The following DLG1 variants were observed in gnomAD, a reference collection of about 807,000 sequenced individuals.
DLG1 encodes disks large homolog 1.
DLG1 carries 42 observed loss-of-function variants against 123.4 expected under a neutral mutation model. That is an observed-to-expected ratio of 0.34 (90% CI 0.27 to 0.44). The LOEUF (loss-of-function observed/expected upper bound fraction) is 0.44, where lower values mean the gene tolerates loss of function less well. Ranked by LOEUF, DLG1 falls within the 20% of genes least tolerant of loss-of-function variation. DLG1 has a pLI of 1.00. For synonymous variants in DLG1, 317 were observed against 356.2 expected (o/e 0.89, Z 1.24); for missense variants, 942 against 1,082.6 (o/e 0.87, Z 1.82).
intron 5 of DLG1, among the ~76,000 whole-genome samples, chr3:197,175,966 C>A (rs1367864746): frequency 6.6e-6 from 1 of 152,114 alleles, no homozygotes; most frequent in African/African-American, 2.4e-5. Flanking sequence ...TTTAAAACTT[C>A]TCTGAATATA....
chr3:197,092,535 C>T (rs1310519308), intron 14 of DLG1, among the ~76,000 whole-genome samples: 2 of 152,152 alleles, frequency 1.3e-5, no homozygotes, highest in East Asian at 1.9e-4. Flanking sequence ...GGGTCCTGCC[C>T]TGTTGCCCAG....
chr3:197,148,671 A>G (rs1014258606), intron 6 of DLG1, among the ~76,000 whole-genome samples: 2 of 152,188 alleles, frequency 1.3e-5, no homozygotes, highest in African/African-American at 4.8e-5. Flanking sequence ...ACAAAAATCA[A>G]CTCAAAATGA....
chr3:197,154,903 A>G (rs1342199506), intron 5 of DLG1, among the ~76,000 whole-genome samples: 1 of 152,164 alleles, frequency 6.6e-6, no homozygotes, highest in East Asian at 1.9e-4. Flanking sequence ...GAAATAAAAG[A>G]GATTCAAGAA....
chr3:197,170,776 C>T (rs575628092), intron 5 of DLG1, among the ~76,000 whole-genome samples: 2 of 152,270 alleles, frequency 1.3e-5, no homozygotes, highest in African/African-American at 4.8e-5. Flanking sequence ...GTTGCAATTG[C>T]ATGGTGTCTT....
At chr3:197,163,452 G>T (rs956639418) in intron 5 of DLG1, among the ~76,000 whole-genome samples, 9 of 151,956 alleles carry the variant, frequency 5.9e-5, no homozygotes, top group Non-Finnish European at 1.2e-4. Flanking sequence ...GTCAAAAGGC[G>T]GAAAGAAACC....
intron 4 of DLG1, among the ~76,000 whole-genome samples, chr3:197,232,827 G>A (rs757236722): frequency 5.3e-5 from 8 of 150,700 alleles, no homozygotes; most frequent in Non-Finnish European, 8.8e-5. Flanking sequence ...GAAAAAGCAC[G>A]TGACAAAATC....
intron 14 of DLG1, among the ~76,000 whole-genome samples, chr3:197,103,466 G>C (rs1001206913): frequency 6.6e-6 from 1 of 152,052 alleles, no homozygotes; most frequent in African/African-American, 2.4e-5. Context: ...GGTGGAATAT[G>C]TTGGCCAGAA....
intron 4 of DLG1, among the ~76,000 whole-genome samples, chr3:197,242,556 TAAA>T (rs58174342): frequency 2.9e-5 from 4 of 139,428 alleles, no homozygotes; most frequent in African/African-American, 1.1e-4. Context: ...TCTGAACAAA[TAAA>T]AAAAAAAATA....
intron 5 of DLG1, among the ~76,000 whole-genome samples, chr3:197,186,110 C>G (rs1340713580): frequency 1.3e-5 from 2 of 152,128 alleles, no homozygotes; most frequent in African/African-American, 4.8e-5. Context: ...TGAAAATGTC[C>G]TGTTACATGA....
intron 5 of DLG1, among the ~76,000 whole-genome samples, chr3:197,174,627 C>G (rs1211463641): frequency 6.6e-6 from 1 of 151,946 alleles, no homozygotes; most frequent in African/African-American, 2.4e-5. Context: ...TGTTTGTTTT[C>G]TTTCTATCTT....
chr3:197,071,082 C>T (rs1743612654), intron 18 of DLG1: 1 of 152,060 alleles, frequency 6.6e-6, no homozygotes, highest in South Asian at 2.1e-4. Flanking sequence ...TACCTTTTAA[C>T]TTTCTGTCCT....
chr3:197,056,323 T>C (rs1174993684), intron 23 of DLG1, among the ~76,000 whole-genome samples: 1 of 152,244 alleles, frequency 6.6e-6, no homozygotes, highest in Non-Finnish European at 1.5e-5. Flanking sequence ...CCCAACTTGG[T>C]TGTTACATTT....
chr3:197,130,536 T>C lies in DLG1; in HGVS notation c.1156A>G (p.Ile386Val). The change falls in exon 11 of 25, where the codon ATC (isoleucine) becomes GTC (valine). Residue 386 changes from isoleucine (I) to valine (V), a missense_variant. Transcript: ENST00000667157. ...YMNDGYAPPD[I>V]TNSSSQPVDN... Reference sequence around the variant, plus strand: ...ATGCTAACAGACTTACAGTTGGTGATATCAGGTGGTGCATAGCCATCATTC... The same window carrying C: ...ATGCTAACAGACTTACAGTTGGTGACATCAGGTGGTGCATAGCCATCATTC... The C allele has an allele frequency of 6.2e-7, 1 of 1,601,854 alleles. No homozygotes were observed. Among genetic ancestry groups the C allele is most frequent in the African/African-American group, 1.3e-5 (1 of 74,734 alleles).
intron 3 of DLG1, among the ~76,000 whole-genome samples, chr3:197,291,982 G>T (rs748470425): frequency 3.3e-5 from 5 of 152,182 alleles, no homozygotes; most frequent in Non-Finnish European, 7.4e-5. Context: ...TATCGGCAAG[G>T]ATGTGGAGAA....
chr3:197,295,708 A>G (rs1371631982), intron 3 of DLG1, among the ~76,000 whole-genome samples: 1 of 152,258 alleles, frequency 6.6e-6, no homozygotes, highest in Admixed American at 6.5e-5. Context: ...TACAGCTAAT[A>G]TGGTGGCATA....
In DLG1 at chr3:197,194,608, T is replaced by C. The variant is rs752428515; in HGVS notation, c.319-19A>G. ...TGTATTTCTGTAAAGAAAATAAACA[T>C]GAAGAAGCCCTGATAAGCAACATGA... On this transcript the variant is annotated intron_variant, in intron 4 of 24. Coordinates refer to ENST00000667157, the MANE Select transcript of DLG1 (RefSeq NM_001366207.1). 2.6e-6 allele frequency: 4 copies of C among 1,562,400 alleles called. No individual in the cohort carries two copies. Among genetic ancestry groups the C allele is most frequent in the Non-Finnish European group, 3.4e-6 (4 of 1,159,508 alleles).
intron 12 of DLG1, among the ~76,000 whole-genome samples, chr3:197,118,385 A>G (rs766345814): frequency 6.6e-6 from 1 of 152,176 alleles, no homozygotes; most frequent in Non-Finnish European, 1.5e-5. Context: ...AAATAAGAAC[A>G]CTATTCTTTC....
chr3:197,205,736 T>C (rs1348977451), intron 4 of DLG1, among the ~76,000 whole-genome samples: 1 of 152,192 alleles, frequency 6.6e-6, no homozygotes, highest in Admixed American at 6.5e-5. Flanking sequence ...TTACCAAACA[T>C]AGTGGCTTAA....
chr3:197,089,173 A>T (rs538422179), intron 15 of DLG1, among the ~76,000 whole-genome samples: 21 of 152,344 alleles, frequency 1.4e-4, no homozygotes, highest in Admixed American at 5.2e-4. Flanking sequence ...GGAGAATGAA[A>T]CTAGGGGCTG....
Sources: allele counts gnomAD v4.1 joint callset (sites outside exome capture counted in the v4.1 genomes callset), GRCh38; gene constraint gnomAD v4.1.1; transcripts MANE v1.5; gene names NCBI Gene and HGNC (gene_info 2026-07-23, HGNC 2026-07-21).